The following WDR64 variants were observed in gnomAD, a reference collection of about 807,000 sequenced individuals.
WDR64 encodes the protein WD repeat-containing protein 64.
Under a neutral mutation model 139.3 loss-of-function variants are expected in WDR64, and 112 were observed. That is an observed-to-expected ratio of 0.80 (90% CI 0.69 to 0.94). The LOEUF (loss-of-function observed/expected upper bound fraction) is 0.94, where lower values mean the gene tolerates loss of function less well. Among genes scored for constraint, WDR64 ranks in the 40% least tolerant of loss-of-function variants. The pLI, the probability that WDR64 is intolerant of heterozygous loss-of-function variation, is 0.00. For missense variants in WDR64, 1,206 were observed against 1,293.1 expected, an observed-to-expected ratio of 0.93 and a Z score of 1.03; for synonymous variants, 444 against 437.7, an observed-to-expected ratio of 1.01 and a Z score of -0.18.
At chr1:241,653,566 G>T (rs1328195447) in intron 1 of WDR64, among the ~76,000 whole-genome samples, 1 of 140,582 alleles carries the variant, frequency 7.1e-6, no homozygotes. Flanking sequence ...TTTCTGAGAC[G>T]GAGTTTCATT....
chr1:241,675,607 A>C (rs77942259), intron 4 of WDR64, among the ~76,000 whole-genome samples: 233 of 152,326 alleles, frequency 1.5e-3, no homozygotes, highest in South Asian at 6.2e-3. Flanking sequence ...AGGTCCCATC[A>C]GGAACTTTGG....
At position 241,790,605 on chromosome 1, in the gene WDR64, G is replaced by C. The variant is rs1426232279; in HGVS notation, c.2906G>C (p.Ser969Thr). ...IFDREKWRKM[S>T]SVSLLFKRTP... ...TTTATATGCAGATGGAGAAAAATGA[G>C]CTCAGTGTCTCTACTTTTCAAACGC... Residue 969 changes from serine to threonine, a missense_variant, in exon 25 of 28, where the codon AGC becomes ACC. Ser to Thr is a moderately conservative substitution (Grantham distance 58, BLOSUM62 1). Transcript: ENST00000437684. 2 of 1,608,522 alleles carry C rather than the reference G, an allele frequency of 1.2e-6. No individual in the cohort carries two copies. Among genetic ancestry groups the C allele is most frequent in the Non-Finnish European group, 1.7e-6 (2 of 1,178,712 alleles).
chr1:241,709,241 T>C (rs1668074768), intron 8 of WDR64, among the ~76,000 whole-genome samples: 1 of 152,190 alleles, frequency 6.6e-6, no homozygotes, highest in African/African-American at 2.4e-5. Context: ...GTCTCATTGA[T>C]TTTGTGACTG....
At chr1:241,667,260 C>G (rs1402360976) in intron 2 of WDR64, among the ~76,000 whole-genome samples, 1 of 152,192 alleles carries the variant, frequency 6.6e-6, no homozygotes, top group East Asian at 1.9e-4. Context: ...TCACACTATT[C>G]TCTGAGGTTA....
chr1:241,741,771 A>G lies in WDR64; in HGVS notation c.1470+107A>G, dbSNP rs75704087. 2.1e-3 allele frequency: 2,396 copies of G among 1,153,160 alleles called. 41 individuals carry two copies. In the African/African-American group the frequency reaches 0.035, roughly 17 times the overall value. The allele number at this position is 1,153,160 out of a possible 1,614,324, so 71.4% of individuals were successfully genotyped here. On this transcript the variant is annotated intron_variant, in intron 12 of 27. Transcript: ENST00000437684. ...TTAAGCAAATGTAGCGGCACATACGATGAGACCATACATTAGAATGATTTT... is the reference window on the plus strand; with the variant it reads ...TTAAGCAAATGTAGCGGCACATACGGTGAGACCATACATTAGAATGATTTT...
intron 9 of WDR64, among the ~76,000 whole-genome samples, chr1:241,716,028 C>G (rs941231475): frequency 1.3e-5 from 2 of 152,124 alleles, no homozygotes; most frequent in African/African-American, 4.8e-5. Flanking sequence ...TACTTTTCAT[C>G]ATGCATAATT....
intron 17 of WDR64, 196 bp from the exon 18 acceptor site, chr1:241,770,425 C>T (rs1658385155): frequency 1.3e-5 from 6 of 475,298 alleles, no homozygotes; most frequent in Non-Finnish European, 3.7e-6. Context: ...CTGAGGCTCC[C>T]CAAGAGTCTC....
intron 10 of WDR64, among the ~76,000 whole-genome samples, chr1:241,730,059 G>A (rs1449453683): frequency 6.6e-6 from 1 of 152,084 alleles, no homozygotes; most frequent in Non-Finnish European, 1.5e-5. Flanking sequence ...AATATACTAT[G>A]TATTATAAAA....
At chr1:241,797,814 T>C (rs1283305092) in intron 27 of WDR64, among the ~76,000 whole-genome samples, 1 of 152,082 alleles carries the variant, frequency 6.6e-6, no homozygotes, top group Non-Finnish European at 1.5e-5. Context: ...AATCCAAAAC[T>C]AAAGGTAATA....
At chr1:241,785,008 A>G (rs1225259131) in intron 23 of WDR64, among the ~76,000 whole-genome samples, 1 of 147,980 alleles carries the variant, frequency 6.8e-6, no homozygotes, top group Non-Finnish European at 1.5e-5. Context: ...TTTGCAGGAA[A>G]GAGTAAGAAC....
intron 10 of WDR64, among the ~76,000 whole-genome samples, chr1:241,734,613 A>G (rs1341363932): frequency 6.6e-6 from 1 of 152,210 alleles, no homozygotes; most frequent in Non-Finnish European, 1.5e-5. Flanking sequence ...AAAACTGACT[A>G]ACCAATCAAG....
rs1041521813 is a variant in WDR64 at position 241,656,840 on chromosome 1, G to C, written c.146-3690G>C. ...AGCACACCTACTCCTAGTTGTGACA[G>C]TCAAAAATGTCTCAAGTCTTTGCCA... is the stretch of plus-strand genomic sequence containing the variant. On this transcript the variant is annotated intron_variant, in intron 1 of 27. Coordinates refer to ENST00000437684, the MANE Select transcript of WDR64 (RefSeq NM_001367482.1). The surrounding 1 kb of genome is among the most constrained non-coding windows in gnomAD (Gnocchi z 4.3). Among the ~76,000 whole-genome samples, 5 of 151,052 alleles carry C rather than the reference G, an allele frequency of 3.3e-5. No individual in the cohort carries two copies. The highest frequency in any genetic ancestry group is 1.2e-4 in the African/African-American group (5 of 40,958).
intron 25 of WDR64, among the ~76,000 whole-genome samples, chr1:241,794,212 G>T (rs1659292374): frequency 6.6e-6 from 1 of 151,576 alleles, no homozygotes; most frequent in Admixed American, 6.6e-5. Context: ...AGAATTATTT[G>T]TATATTTACC....
At chr1:241,743,615 A>G (rs1034859239) in intron 12 of WDR64, among the ~76,000 whole-genome samples, 1 of 152,236 alleles carries the variant, frequency 6.6e-6, no homozygotes, top group East Asian at 1.9e-4. Context: ...CTAGAGTGCA[A>G]TCATTCTGTG....
chr1:241,657,105 C>A (rs890913523), intron 1 of WDR64, among the ~76,000 whole-genome samples: 8 of 151,952 alleles, frequency 5.3e-5, no homozygotes, highest in African/African-American at 1.9e-4. Flanking sequence ...TTCTAGGGTG[C>A]CACTTACCAT....
chr1:241,657,064 C>T (rs1421734871), intron 1 of WDR64, among the ~76,000 whole-genome samples: 1 of 152,010 alleles, frequency 6.6e-6, no homozygotes, highest in African/African-American at 2.4e-5. Flanking sequence ...CATATATTAC[C>T]ATCTCCACTA....
At chr1:241,775,626 T>G (rs1243247448) in intron 21 of WDR64, among the ~76,000 whole-genome samples, 1 of 152,152 alleles carries the variant, frequency 6.6e-6, no homozygotes, top group Non-Finnish European at 1.5e-5. Context: ...ATTTTTTATA[T>G]TTATTATAAT....
chr1:241,762,667 A>G lies in WDR64; in HGVS notation c.1948-3551A>G, dbSNP rs191448249. Among the ~76,000 whole-genome samples the G allele has an allele frequency of 8.7e-4, 133 of 152,286 alleles. 3 individuals carry two copies. The East Asian group carries it at 0.021, about 24-fold the overall frequency. ...ATGGAAGAAAACTGCAAGTTACAGC[A>G]GGAGCAATTGAGAAAAGTCTTCAGT... On this transcript the variant is annotated intron_variant, in intron 15 of 27. Coordinates refer to ENST00000437684, the MANE Select transcript of WDR64 (RefSeq NM_001367482.1).
At chr1:241,711,953 A>G (rs556935868) in intron 9 of WDR64, 72 bp downstream of exon 9, 6 of 1,424,644 alleles carry the variant, frequency 4.2e-6, no homozygotes, top group South Asian at 2.4e-5. Context: ...TTTTGGTGCT[A>G]GGAAGAACAC....
Sources: gnomAD v4.1 joint callset for allele counts (sites outside exome capture counted in the v4.1 genomes callset) on GRCh38, gnomAD v4.1.1 for gene constraint, Gnocchi (gnomAD v3.1) non-coding constraint, MANE v1.5 for transcripts, NCBI Gene and HGNC (gene_info 2026-07-23, HGNC 2026-07-21) for gene names.